GNG4: variants seen among roughly 807,000 people sequenced by gnomAD.
GNG4 encodes the protein guanine nucleotide-binding protein G(I)/G(S)/G(O) subunit gamma-4.
GNG4 carries 4 observed loss-of-function variants against 5.8 expected under a neutral mutation model. The ratio of observed to expected loss-of-function variants is 0.69; its 90% CI spans 0.34 to 1.57. The LOEUF (loss-of-function observed/expected upper bound fraction) is 1.57, where lower values mean the gene tolerates loss of function less well. Among genes scored for constraint, GNG4 ranks in the 40% most tolerant of loss-of-function variants. The probability of loss-of-function intolerance (pLI) is 0.06; values close to 1 mark genes in which losing one functional copy is unlikely to be tolerated. For synonymous variants in GNG4, 29 were observed against 32.9 expected, an observed-to-expected ratio of 0.88 and a Z score of 0.41; for missense variants, 96 against 95.1, an observed-to-expected ratio of 1.01 and a Z score of -0.04.
In GNG4 at chr1:235,642,126, A is replaced by G. The variant is rs1266094930; in HGVS notation, c.-123+7536T>C. On this transcript the variant is annotated intron_variant, in intron 1 of 3. Transcript: ENST00000391854. The surrounding 1 kb of genome is among the most constrained non-coding windows in gnomAD (Gnocchi z 4.3). The stretch of plus-strand genomic sequence containing the variant: ...ACCGTGCGGAAAAGGAGAGAAAACC[A>G]GACCGCAGGGGCATTTCACAGCTAA... Among the ~76,000 whole-genome samples the G allele has an allele frequency of 1.4e-5, 2 of 143,824 alleles. No homozygotes were observed. The allele number at this position is 143,824 out of a possible 152,430, so 94.4% of individuals were successfully genotyped here.
chr1:235,619,180 C>T (rs1311891921), intron 1 of GNG4, among the ~76,000 whole-genome samples: 2 of 82,736 alleles, frequency 2.4e-5, no homozygotes. Flanking sequence ...TATATATACA[C>T]ACACATATAT....
At chr1:235,621,461 AT>A (rs1288089534) in intron 1 of GNG4, among the ~76,000 whole-genome samples, 2 of 144,366 alleles carry the variant, frequency 1.4e-5, no homozygotes, top group Admixed American at 1.4e-4. Flanking sequence ...CTGGCTAATT[AT>A]TTTTGTATTT....
At chr1:235,587,686 C>A (rs556688732) in intron 2 of GNG4, among the ~76,000 whole-genome samples, 9,824 of 17,850 alleles carry the variant, frequency 0.55, 2,352 homozygotes, top group East Asian at 0.85. Flanking sequence ...GGTATGTGTG[C>A]GAGTGTTGGG....
At chr1:235,614,106 C>T (rs550854552) in intron 1 of GNG4, among the ~76,000 whole-genome samples, 1 of 152,356 alleles carries the variant, frequency 6.6e-6, no homozygotes, top group Admixed American at 6.5e-5. Flanking sequence ...AGCCGCTGCG[C>T]CTGGCCTAGA....
At chr1:235,578,314 G>A (rs573905297) in intron 3 of GNG4, among the ~76,000 whole-genome samples, 12 of 152,296 alleles carry the variant, frequency 7.9e-5, no homozygotes, top group African/African-American at 2.9e-4. Context: ...GGGAACCGTG[G>A]TATGCCATTG....
intron 1 of GNG4, among the ~76,000 whole-genome samples, chr1:235,629,153 G>A (rs1274819347): frequency 6.6e-6 from 1 of 151,726 alleles, no homozygotes; most frequent in African/African-American, 2.4e-5. Context: ...GGGTAGCTGA[G>A]ACCCTAGGCA....
At chr1:235,638,412 G>A (rs1383260603) in intron 1 of GNG4, among the ~76,000 whole-genome samples, 1 of 152,106 alleles carries the variant, frequency 6.6e-6, no homozygotes, top group African/African-American at 2.4e-5. Flanking sequence ...AAGCTCTGGG[G>A]AGAGTTCGTA....
intron 2 of GNG4, among the ~76,000 whole-genome samples, chr1:235,593,095 C>T (rs749223594): frequency 3.9e-5 from 6 of 152,084 alleles, no homozygotes; most frequent in East Asian, 1.9e-4. Context: ...ATTACAGGTG[C>T]GTACCACTAT....
At chr1:235,600,100 C>CTT (rs533853180) in intron 1 of GNG4, among the ~76,000 whole-genome samples, 474 of 43,124 alleles carry the variant, frequency 0.011, 120 homozygotes, top group African/African-American at 0.043. Context: ...CGGAAGAAAG[C>CTT]TTTTTTTTTT....
intron 3 of GNG4, among the ~76,000 whole-genome samples, chr1:235,557,139 G>A (rs373245798): frequency 5.4e-4 from 81 of 151,060 alleles, no homozygotes; most frequent in African/African-American, 2.0e-3. Context: ...GGCGGTTGGG[G>A]ACCCGTTTTA....
chr1:235,591,240 T>C (rs1184298197), intron 2 of GNG4, among the ~76,000 whole-genome samples: 2 of 152,198 alleles, frequency 1.3e-5, no homozygotes, highest in East Asian at 3.9e-4. Flanking sequence ...CACCTTGGCC[T>C]AGTGGCGCTT....
At chr1:235,587,785 T>TAA (rs377111412) in intron 2 of GNG4, among the ~76,000 whole-genome samples, 2 of 118,776 alleles carry the variant, frequency 1.7e-5, no homozygotes, top group East Asian at 3.6e-4. Flanking sequence ...TGGGGGTGTG[T>TAA]GTGTGTGTGA....
chr1:235,639,828 T>C (rs750971887), intron 1 of GNG4, among the ~76,000 whole-genome samples: 2 of 152,228 alleles, frequency 1.3e-5, no homozygotes, highest in Non-Finnish European at 2.9e-5. Flanking sequence ...TATAATCCTC[T>C]GTCTCCCTCA....
intron 3 of GNG4, among the ~76,000 whole-genome samples, chr1:235,571,141 G>A (rs967251906): frequency 6.6e-6 from 1 of 151,810 alleles, no homozygotes; most frequent in Non-Finnish European, 1.5e-5. Flanking sequence ...TTGGGTAAAC[G>A]GTAGGAATAG....
upstream of GNG4, chr1:235,650,599 C>T (rs1339984320): frequency 6.6e-6 from 1 of 152,130 alleles, no homozygotes; most frequent in Non-Finnish European, 1.5e-5. Context: ...AAGGCTGACC[C>T]GACGTTGCTG....
intron 1 of GNG4, among the ~76,000 whole-genome samples, chr1:235,617,776 T>C (rs1688626597): frequency 6.6e-6 from 1 of 151,704 alleles, no homozygotes; most frequent in Admixed American, 6.6e-5. Flanking sequence ...TTCCAGCTAT[T>C]TGGGAGGCTG....
intron 1 of GNG4, among the ~76,000 whole-genome samples, chr1:235,639,424 G>A (rs1657247475): frequency 6.6e-6 from 1 of 152,232 alleles, no homozygotes; most frequent in Non-Finnish European, 1.5e-5. Context: ...TGCACTGGCT[G>A]TGCCCCAATA....
chr1:235,556,338 T>A (rs1355428313), intron 3 of GNG4, among the ~76,000 whole-genome samples: 1 of 151,000 alleles, frequency 6.6e-6, no homozygotes, highest in Admixed American at 6.6e-5. Context: ...GGCAGGCAGA[T>A]CACAAAATCA....
chr1:235,570,862 A>ATATATATGTGTGTG (rs143958257), intron 3 of GNG4, among the ~76,000 whole-genome samples: 36 of 141,598 alleles, frequency 2.5e-4, no homozygotes, highest in African/African-American at 8.9e-4. Context: ...ATATATATAT[A>ATATATATGTGTGTG]TGTGTGTGTG....
Sources: gnomAD v4.1 joint callset for allele counts (sites outside exome capture counted in the v4.1 genomes callset) on GRCh38, gnomAD v4.1.1 for gene constraint, Gnocchi (gnomAD v3.1) non-coding constraint, MANE v1.5 for transcripts, NCBI Gene and HGNC (gene_info 2026-07-23, HGNC 2026-07-21) for gene names.